The following SLC22A14 variants were observed in gnomAD, a reference collection of about 807,000 sequenced individuals.
SLC22A14 encodes solute carrier family 22 member 14.
Under a neutral mutation model 53.9 loss-of-function variants are expected in SLC22A14, and 50 were observed. The ratio of observed to expected loss-of-function variants is 0.93; its 90% CI spans 0.74 to 1.17. SLC22A14 has a LOEUF of 1.17. Among genes scored for constraint, SLC22A14 ranks in the 50% most tolerant of loss-of-function variants. SLC22A14 has a pLI of 0.00. For synonymous variants in SLC22A14, 312 were observed against 303.0 expected (o/e 1.03, Z -0.31); for missense variants, 671 against 734.7 (o/e 0.91, Z 1.00).
intron 1 of SLC22A14, among the ~76,000 whole-genome samples, chr3:38,286,859 G>A (rs547417105): frequency 6.6e-6 from 1 of 151,984 alleles, no homozygotes; most frequent in African/African-American, 2.4e-5. Context: ...AGCCTCCCGA[G>A]TAGCTGGGAT....
At chr3:38,317,118 T>C (rs540496496) in intron 10 of SLC22A14, among the ~76,000 whole-genome samples, 1 of 152,200 alleles carries the variant, frequency 6.6e-6, no homozygotes, top group Non-Finnish European at 1.5e-5. Flanking sequence ...TTTCGGCCAA[T>C]GAACACGCTC....
At chr3:38,287,038 G>A (rs148995698) in intron 1 of SLC22A14, among the ~76,000 whole-genome samples, 48 of 152,150 alleles carry the variant, frequency 3.2e-4, no homozygotes, top group Middle Eastern at 3.4e-3. Flanking sequence ...TGCTTGGCTT[G>A]ATTTGTGGTT....
chr3:38,313,847 C>A lies in SLC22A14; in HGVS notation c.1284C>A (p.Ile428=). 6.2e-7 allele frequency: 1 copy of A among 1,614,078 alleles called. No individual in the cohort carries two copies. The highest frequency in any genetic ancestry group is 1.1e-5 in the South Asian group (1 of 91,074). The part of the protein sequence containing the change: ...IMEVPARLCC[I]FLLQQIGRKW... ...AGGTGCCTGCCCGGCTGTGCTGCAT[C>A]TTTCTCCTCCAGCAGATTGGGAGGA... Residue 428 remains isoleucine, a synonymous_variant, in exon 8 of 11, where the codon ATC becomes ATA. Coordinates refer to ENST00000448498, the MANE Select transcript of SLC22A14 (RefSeq NM_001320033.2).
Position 38,307,367 on chromosome 3 carries a change from C to A in SLC22A14, c.620+10C>A, listed in dbSNP as rs557453332. The stretch of plus-strand genomic sequence containing the variant: ...GGCTCATAACTGACAAGTGAGTCCC[C>A]GGGAGTTTCTGCTGGTCCCCGAGCC... On this transcript the variant is annotated intron_variant, in intron 3 of 10. Coordinates refer to ENST00000448498, the MANE Select transcript of SLC22A14 (RefSeq NM_001320033.2). The surrounding 1 kb of genome is among the most constrained non-coding windows in gnomAD (Gnocchi z 4.4). 6.2e-7 allele frequency: 1 copy of A among 1,604,182 alleles called. No homozygotes were observed. Among genetic ancestry groups the A allele is most frequent in the Non-Finnish European group, 8.5e-7 (1 of 1,170,938 alleles).
intron 1 of SLC22A14, among the ~76,000 whole-genome samples, chr3:38,298,756 A>G (rs1332556733): frequency 6.6e-6 from 1 of 152,126 alleles, no homozygotes; most frequent in Admixed American, 6.5e-5. Context: ...GGGTTTCAAC[A>G]TGTTGGCCAG....
chr3:38,313,890 ACT>A lies in SLC22A14; in HGVS notation c.1331_1332del (p.Leu444ProfsTer15). 6.2e-7 allele frequency: 1 copy of A among 1,612,876 alleles called. No homozygotes were observed. On this transcript the variant is annotated frameshift_variant, in exon 8 of 11. Coordinates refer to ENST00000448498, the MANE Select transcript of SLC22A14 (RefSeq NM_001320033.2). LOFTEE classifies it high-confidence loss of function. Reference protein sequence around the residue: ...QIGRKWSLAVTLLQAIIWCLL... With the variant: ...QIGRKWSLAVXLLQAIIWCLL... ...TGGGAGGAAGTGGAGCCTGGCTGTG[ACT>A]CTCCTCCAAGCCATCATCTGGTGCT...
At chr3:38,290,818 T>C (rs568603493) in intron 1 of SLC22A14, among the ~76,000 whole-genome samples, 121 of 152,326 alleles carry the variant, frequency 7.9e-4, no homozygotes, top group African/African-American at 2.7e-3. Context: ...GCATTTTTAA[T>C]GAAGGGTCCT....
intron 1 of SLC22A14, among the ~76,000 whole-genome samples, chr3:38,300,926 C>T (rs1415377374): frequency 6.6e-6 from 1 of 152,194 alleles, no homozygotes; most frequent in Non-Finnish European, 1.5e-5. Flanking sequence ...AGGAATGGCT[C>T]AACCACCCAG....
At chr3:38,318,060 C>CGGCTGG in intron 10 of SLC22A14, 138 bp from the exon 11 acceptor site, 2 of 728,190 alleles carry the variant, frequency 2.7e-6, no homozygotes, top group Non-Finnish European at 4.8e-6. Context: ...TGGCAAAGCT[C>CGGCTGG]GGCTGGGGAC....
At chr3:38,304,375 C>T (rs1013716309) in intron 1 of SLC22A14, among the ~76,000 whole-genome samples, 2 of 152,012 alleles carry the variant, frequency 1.3e-5, no homozygotes, top group African/African-American at 4.8e-5. Flanking sequence ...CTCCTGGTTT[C>T]CGTGTTGCTT....
intron 1 of SLC22A14, among the ~76,000 whole-genome samples, chr3:38,294,010 A>T (rs1367682606): frequency 6.6e-6 from 1 of 152,242 alleles, no homozygotes; most frequent in Admixed American, 6.5e-5. Context: ...GAGAATTTAC[A>T]TAGGTCTATT....
chr3:38,292,000 C>T (rs1188214709), intron 1 of SLC22A14, among the ~76,000 whole-genome samples: 1 of 152,216 alleles, frequency 6.6e-6, no homozygotes, highest in African/African-American at 2.4e-5. Flanking sequence ...GTCCTGGTGC[C>T]TTTGGATAAT....
Position 38,306,408 on chromosome 3 carries a change from T to C in SLC22A14, c.382T>C (p.Phe128Leu). ...LTIPQAPNGS[F>L]LTCFMYLPVP... is the part of the protein sequence containing the mutation. ...CATACCCCAAGCACCCAATGGCAGTTTCCTGACATGCTTCATGTACCTTCC... is the reference window on the plus strand; with the variant it reads ...CATACCCCAAGCACCCAATGGCAGTCTCCTGACATGCTTCATGTACCTTCC... Residue 128 changes from phenylalanine to leucine, a missense_variant, in exon 2 of 11, where the codon TTC (phenylalanine) becomes CTC (leucine). Phe to Leu is a conservative substitution (Grantham distance 22). Transcript: ENST00000448498. 1 of 1,614,242 alleles carries C rather than the reference T, an allele frequency of 6.2e-7. No homozygotes were observed. Among genetic ancestry groups the C allele is most frequent in the Non-Finnish European group, 8.5e-7 (1 of 1,180,050 alleles).
At chr3:38,284,969 G>A (rs1703758142) in intron 1 of SLC22A14, among the ~76,000 whole-genome samples, 1 of 152,104 alleles carries the variant, frequency 6.6e-6, no homozygotes, top group Non-Finnish European at 1.5e-5. Flanking sequence ...CTACTTCTTG[G>A]ACCTTAGCCC....
intron 7 of SLC22A14, 32 bp downstream of exon 7, chr3:38,313,517 C>T (rs559722711): frequency 1.7e-5 from 25 of 1,455,080 alleles, no homozygotes; most frequent in African/African-American, 9.7e-5. Context: ...GCAGGGACTG[C>T]GAACAGGTGC....
chr3:38,305,963 G>A lies in SLC22A14; in HGVS notation c.1-64G>A. ...CCAGTTCCTAGTCGGTGGCTCCCAT[G>A]CTGGTCTCTGATGTTTAGGAAGTGG... On this transcript the variant is annotated intron_variant, in intron 1 of 10. Coordinates refer to ENST00000448498, the MANE Select transcript of SLC22A14 (RefSeq NM_001320033.2). The A allele has an allele frequency of 2.0e-6, 3 of 1,516,226 alleles. No homozygotes were observed. In the Admixed American group the frequency reaches 5.9e-5, roughly 30 times the overall value. The allele number at this position is 1,516,226 out of a possible 1,614,324, so 93.9% of individuals were successfully genotyped here.
chr3:38,311,627 C>CCA (rs78192222), intron 5 of SLC22A14, among the ~76,000 whole-genome samples: 16,582 of 152,108 alleles, frequency 0.11, 2,546 homozygotes, highest in African/African-American at 0.33. Context: ...ACTTCTTCTG[C>CCA]CAAATGTCCT....
chr3:38,294,755 G>C (rs958479678), intron 1 of SLC22A14, among the ~76,000 whole-genome samples: 2 of 151,990 alleles, frequency 1.3e-5, no homozygotes, highest in African/African-American at 2.4e-5. Context: ...ACAGAGAAAG[G>C]GGTCCGGGCT....
At chr3:38,288,708 TAAA>T (rs1039839650) in intron 1 of SLC22A14, among the ~76,000 whole-genome samples, 2 of 152,162 alleles carry the variant, frequency 1.3e-5, no homozygotes, top group African/African-American at 4.8e-5. Flanking sequence ...GTTTCCCATT[TAAA>T]AAAATCATGT....
Sources: allele counts gnomAD v4.1 joint callset (sites outside exome capture counted in the v4.1 genomes callset), GRCh38; gene constraint gnomAD v4.1.1; non-coding constraint Gnocchi (gnomAD v3.1); transcripts MANE v1.5; gene names NCBI Gene and HGNC (gene_info 2026-07-23, HGNC 2026-07-21).